Variants in DMD observed in about 807,000 individuals in gnomAD.
DMD encodes mutant dystrophin.
Under a neutral mutation model 330.1 loss-of-function variants are expected in DMD, and 63 were observed. That is an observed-to-expected ratio of 0.19 (90% CI 0.16 to 0.24). The LOEUF (loss-of-function observed/expected upper bound fraction) is 0.24, where lower values mean the gene tolerates loss of function less well. Among genes scored for constraint, DMD ranks in the 10% least tolerant of loss-of-function variants. The pLI, the probability that DMD is intolerant of heterozygous loss-of-function variation, is 1.00. For missense variants in DMD, 3,344 were observed against 2,684.1 expected (o/e 1.25, Z -5.43); for synonymous variants, 1,223 against 959.8 (o/e 1.27, Z -5.07).
intron 7 of DMD, among the ~76,000 whole-genome samples, chrX:32,704,469 C>T (rs189248055): frequency 8.9e-6 from 1 of 111,817 alleles, no homozygotes; most frequent in Admixed American, 9.5e-5. Flanking sequence ...AGAGGCTCTA[C>T]TGTCTAAATT....
chrX:32,561,722 C>A (rs952407523), intron 16 of DMD, among the ~76,000 whole-genome samples: 2 of 111,244 alleles, frequency 1.8e-5, no homozygotes, highest in Non-Finnish European at 3.8e-5. Flanking sequence ...AGCAGACCAA[C>A]CCCAACATAC....
chrX:32,686,235 G>C (rs1446926215), intron 9 of DMD, among the ~76,000 whole-genome samples: 1 of 111,598 alleles, frequency 9.0e-6, no homozygotes, highest in Non-Finnish European at 1.9e-5. Flanking sequence ...AATTAGGCAT[G>C]GGTATCCACT....
At chrX:31,149,623 T>C (rs909980903) in intron 74 of DMD, among the ~76,000 whole-genome samples, 2 of 112,308 alleles carry the variant, frequency 1.8e-5, no homozygotes, top group Non-Finnish European at 3.8e-5. Flanking sequence ...TGTCCATTAA[T>C]AATGTTTTAC....
chrX:31,737,458 G>T (rs770819847), intron 51 of DMD, among the ~76,000 whole-genome samples: 11 of 112,733 alleles, frequency 9.8e-5, no homozygotes, highest in Admixed American at 5.6e-4. Flanking sequence ...AAGGCTAAGG[G>T]GAGGGTATAG....
At chrX:31,640,608 T>C (rs867907287) in intron 54 of DMD, among the ~76,000 whole-genome samples, 2 of 112,407 alleles carry the variant, frequency 1.8e-5, no homozygotes, top group East Asian at 5.6e-4. Flanking sequence ...AACTAATAGA[T>C]AGGGACATGT....
At chrX:31,970,978 A>G (rs768143984) in intron 44 of DMD, among the ~76,000 whole-genome samples, 1 of 111,620 alleles carries the variant, frequency 9.0e-6, no homozygotes, top group South Asian at 3.7e-4. Flanking sequence ...CATACTTTTA[A>G]AAAATGCATG....
chrX:31,386,377 A>G (rs2896938), intron 60 of DMD, among the ~76,000 whole-genome samples: 10,085 of 111,515 alleles, frequency 0.09, 366 homozygotes, highest in South Asian at 0.18. Flanking sequence ...AACTATAGTA[A>G]TAATAAAAAA....
chrX:32,206,888 T>C, intron 44 of DMD: 2 of 311,333 alleles, frequency 6.4e-6, no homozygotes, highest in South Asian at 8.0e-5. Context: ...CAAGAATGTG[T>C]TGTCCAAAAT....
intron 1 of DMD, among the ~76,000 whole-genome samples, chrX:33,306,727 C>A (rs1317503148): frequency 9.0e-6 from 1 of 110,735 alleles, no homozygotes; most frequent in Non-Finnish European, 1.9e-5. Flanking sequence ...TTGGGGCAAA[C>A]AATCCAAAGT....
At chrX:31,220,214 A>G (rs1174492211) in intron 64 of DMD, among the ~76,000 whole-genome samples, 1 of 111,669 alleles carries the variant, frequency 9.0e-6, no homozygotes, top group African/African-American at 3.3e-5. Context: ...GTGACTGTAC[A>G]TACATTTCCA....
At chrX:31,569,132 T>C (rs1236225031) in intron 55 of DMD, among the ~76,000 whole-genome samples, 3 of 108,897 alleles carry the variant, frequency 2.8e-5, no homozygotes, top group South Asian at 3.9e-4. Context: ...TTATGGTAAA[T>C]AGGATAGTCT....
At chrX:33,036,822 T>TAC (rs1463215807) in intron 1 of DMD, among the ~76,000 whole-genome samples, 7 of 105,736 alleles carry the variant, frequency 6.6e-5, no homozygotes, top group Non-Finnish European at 9.9e-5. Flanking sequence ...TATATATATA[T>TAC]ACATACATAT....
intron 16 of DMD, among the ~76,000 whole-genome samples, chrX:32,554,944 AGAGAGAGGG>A (rs1342533414): frequency 5.3e-5 from 2 of 37,565 alleles, no homozygotes; most frequent in Non-Finnish European, 8.1e-5. Flanking sequence ...AAAGAAAGAG[AGAGAGAGGG>A]AGAGAGAAAG....
chrX:31,539,618 G>C (rs774254428), intron 55 of DMD, among the ~76,000 whole-genome samples: 1 of 111,867 alleles, frequency 8.9e-6, no homozygotes, highest in Non-Finnish European at 1.9e-5. Flanking sequence ...GTTATAAGTA[G>C]TAGGGGTCAT....
At chrX:33,214,638 G>A (rs1313756764), upstream of DMD, among the ~76,000 whole-genome samples, 1 of 111,507 alleles carries the variant, frequency 9.0e-6, no homozygotes, top group Non-Finnish European at 1.9e-5. Flanking sequence ...TTCTTTTCCT[G>A]TTTGTTTTTG....
intron 46 of DMD, 24 bp downstream of exon 46, chrX:31,932,056 G>C (rs201820341): frequency 1.7e-6 from 2 of 1,205,816 alleles, no homozygotes; most frequent in African/African-American, 3.5e-5. Flanking sequence ...GCAGGCCCTG[G>C]GGGATTTGAG....
intron 37 of DMD, among the ~76,000 whole-genome samples, chrX:32,354,434 T>G (rs2097792007): frequency 9.0e-6 from 1 of 111,355 alleles, no homozygotes; most frequent in African/African-American, 3.2e-5. Flanking sequence ...ACTACTGATA[T>G]GATATGAAGA....
chrX:32,621,498 T>TC (rs2057987826), intron 11 of DMD, among the ~76,000 whole-genome samples: 1 of 107,608 alleles, frequency 9.3e-6, no homozygotes, highest in East Asian at 2.9e-4. Context: ...TTTTTTTTTT[T>TC]CTCTTAATAG....
chrX:32,033,625 GAAAGA>G lies in DMD; in HGVS notation c.6439-65116_6439-65112del, dbSNP rs1418274398. 6.2e-5 allele frequency among the ~76,000 whole-genome samples: 3 copies of G among 48,043 alleles called. 1 individual carries two copies. The highest frequency in any genetic ancestry group is 3.9e-4 in the African/African-American group (3 of 7,753). 41.7% of individuals were successfully genotyped at this position (48,043 alleles called of 115,157 possible). On this transcript the variant is annotated intron_variant, in intron 44 of 78. Transcript: ENST00000357033. Reference sequence around the variant, plus strand: ...AGACAGAAAGAAAGAAAGAAAGAAAGAAAGAAAGAAAGAAAGAAAGAAAGAAAGAA... The same window carrying G: ...AGACAGAAAGAAAGAAAGAAAGAAAGAAGAAAGAAAGAAAGAAAGAAAGAA...
Sources: allele counts gnomAD v4.1 joint callset (sites outside exome capture counted in the v4.1 genomes callset), GRCh38; gene constraint gnomAD v4.1.1; transcripts MANE v1.5; gene names NCBI Gene and HGNC (gene_info 2026-07-23, HGNC 2026-07-21).